Variants in BTK observed in about 807,000 individuals in gnomAD.
BTK encodes the protein Bruton tyrosine kinase.
BTK carries 5 observed loss-of-function variants against 57.4 expected under a neutral mutation model. That is an observed-to-expected ratio of 0.09 (90% CI 0.05 to 0.18). The LOEUF (loss-of-function observed/expected upper bound fraction) is 0.18, where lower values mean the gene tolerates loss of function less well. Ranked by LOEUF, BTK falls within the 10% of genes least tolerant of loss-of-function variation. The pLI, the probability that BTK is intolerant of heterozygous loss-of-function variation, is 1.00. For synonymous variants in BTK, 154 were observed against 174.3 expected, an observed-to-expected ratio of 0.88 and a Z score of 0.92; for missense variants, 194 against 501.2, an observed-to-expected ratio of 0.39 and a Z score of 5.85.
chrX:101,362,528 G>A lies in BTK; in HGVS notation c.520+33C>T, dbSNP rs377644686. Reference sequence around the variant, plus strand: ...TGGGAGAGTGATGGAAACAGTCAAAGGAGAAAGAAATTATATCGATCAGAT... The same window carrying A: ...TGGGAGAGTGATGGAAACAGTCAAAAGAGAAAGAAATTATATCGATCAGAT... On this transcript the variant is annotated intron_variant, in intron 6 of 18. Coordinates refer to ENST00000308731, the MANE Select transcript of BTK (RefSeq NM_000061.3). 1.2e-4 allele frequency: 140 copies of A among 1,209,253 alleles called. 1 individual carries two copies. In the African/African-American group the frequency reaches 2.0e-3, roughly 18 times the overall value.
intron 14 of BTK, chrX:101,356,493 A>G: frequency 8.9e-6 from 4 of 450,368 alleles, no homozygotes; most frequent in Non-Finnish European, 1.5e-5. Context: ...CCAGGAATGA[A>G]AGAACGCTAA....
At chrX:101,365,534 C>T (rs1187356421) in intron 5 of BTK, among the ~76,000 whole-genome samples, 4 of 112,004 alleles carry the variant, frequency 3.6e-5, no homozygotes, top group Non-Finnish European at 7.5e-5. Flanking sequence ...AGTGGGAGGG[C>T]TGGGGGAGAC....
chrX:101,367,550 C>T (rs1474414678), intron 5 of BTK, among the ~76,000 whole-genome samples: 1 of 108,357 alleles, frequency 9.2e-6, no homozygotes, highest in Non-Finnish European at 1.9e-5. Context: ...GTAGGAGAAT[C>T]GCTTGAACTC....
At chrX:101,372,854 T>G (rs1401157546) in intron 3 of BTK, among the ~76,000 whole-genome samples, 2 of 106,257 alleles carry the variant, frequency 1.9e-5, no homozygotes, top group Non-Finnish European at 3.9e-5. Flanking sequence ...GAGGCCGAGG[T>G]GGGAGGATCA....
chrX:101,385,359 G>GT (rs782068454), intron 1 of BTK, among the ~76,000 whole-genome samples: 1 of 112,189 alleles, frequency 8.9e-6, no homozygotes, highest in East Asian at 2.8e-4. Context: ...GAGGGCAATG[G>GT]TAAGAGGAGA....
At chrX:101,370,190 G>A (rs1226242885) in intron 4 of BTK, 111 bp from the exon 5 acceptor site, 1 of 648,225 alleles carries the variant, frequency 1.5e-6, no homozygotes, top group East Asian at 3.3e-5. Flanking sequence ...AGAAAACAAA[G>A]AAAGGCAGAA....
chrX:101,384,199 A>T (rs1378621091), intron 1 of BTK, among the ~76,000 whole-genome samples: 6 of 112,104 alleles, frequency 5.4e-5, no homozygotes, highest in Non-Finnish European at 9.4e-5. Context: ...ACTCTATAGG[A>T]AATTTGCTCA....
intron 6 of BTK, 24 bp downstream of exon 6, chrX:101,362,537 A>G (rs1926706634): frequency 8.3e-7 from 1 of 1,209,676 alleles, no homozygotes; most frequent in African/African-American, 1.7e-5. Context: ...AGGAGAAAGA[A>G]ATTATATCGA....
rs956441872 is a variant in BTK, at chrX:101,386,148, G to A, written c.-117C>T. The A allele has an allele frequency of 9.0e-6, 1 of 111,731 alleles. No individual in the cohort carries two copies. The highest frequency in any genetic ancestry group is 3.3e-5 in the African/African-American group (1 of 30,622). 9.2% of individuals were successfully genotyped at this position (111,731 alleles called of 1,213,427 possible). ...TGGGACTCGATCGCAGCAGACACTGGCCCTGGAGACATATTCTTACAGTCC... is the reference window on the plus strand; with the variant it reads ...TGGGACTCGATCGCAGCAGACACTGACCCTGGAGACATATTCTTACAGTCC... On this transcript the variant is annotated 5_prime_UTR_variant, in exon 1 of 19. Coordinates refer to ENST00000308731, the MANE Select transcript of BTK (RefSeq NM_000061.3).
chrX:101,360,818 C>T, intron 7 of BTK, 63 bp from the exon 8 acceptor site: 1 of 1,088,099 alleles, frequency 9.2e-7, no homozygotes, highest in Non-Finnish European at 1.3e-6. Context: ...TCTCTTCTCT[C>T]CCAACTCTCT....
chrX:101,381,188 T>C (rs1555981701), intron 1 of BTK, among the ~76,000 whole-genome samples: 1 of 110,863 alleles, frequency 9.0e-6, no homozygotes, highest in Non-Finnish European at 1.9e-5. Context: ...TACATTCCAA[T>C]ATATTTATTC....
chrX:101,356,329 G>T, intron 14 of BTK, 61 bp from the exon 15 acceptor site: 1 of 1,029,877 alleles, frequency 9.7e-7, no homozygotes, highest in Non-Finnish European at 1.3e-6. Context: ...CAATAAAGGG[G>T]CTGGGGAGGA....
rs1555978148 is a variant in BTK at position 101,358,407 on chromosome X, A to C, written c.1005T>G (p.Val335=). 8.3e-7 allele frequency: 1 copy of C among 1,210,414 alleles called. No homozygotes were observed. The highest frequency in any genetic ancestry group is 3.0e-5 in the East Asian group (1 of 33,788). ...ACTGGCTCTGAGGTGTGGAACACACAACATAATGACGTATCACCCCTTGAG... is the reference window on the plus strand; with the variant it reads ...ACTGGCTCTGAGGTGTGGAACACACCACATAATGACGTATCACCCCTTGAG... ...GDPQGVIRHY[V]VCSTPQSQYY... Residue 335 remains valine, a synonymous_variant, in exon 12 of 19, where the codon GTT becomes GTG. Coordinates refer to ENST00000308731, the MANE Select transcript of BTK (RefSeq NM_000061.3).
intron 4 of BTK, 97 bp downstream of exon 4, chrX:101,371,536 C>T (rs1443534128): frequency 1.4e-6 from 1 of 730,418 alleles, no homozygotes; most frequent in African/African-American, 2.1e-5. Flanking sequence ...CTTCTATTCA[C>T]TGGGTCCTCG....
chrX:101,353,820 G>C (rs2147424776), intron 17 of BTK, 50 bp downstream of exon 17: 4 of 1,003,146 alleles, frequency 4.0e-6, no homozygotes, highest in Non-Finnish European at 5.7e-6. Flanking sequence ...TTTTCCCATT[G>C]CATTTCTTAT....
chrX:101,382,493 G>A (rs988146379), intron 1 of BTK, among the ~76,000 whole-genome samples: 6 of 109,946 alleles, frequency 5.5e-5, no homozygotes, highest in African/African-American at 9.9e-5. Flanking sequence ...CACCTGCCTC[G>A]GCCTCCCAAA....
intron 8 of BTK, 70 bp downstream of exon 8, chrX:101,360,498 A>G (rs140264234): frequency 0.011 from 11,840 of 1,089,871 alleles, 57 homozygotes; most frequent in Non-Finnish European, 0.013. Flanking sequence ...CACGGGAATT[A>G]TGCCGCAGCA....
At chrX:101,362,508 G>C in intron 6 of BTK, 53 bp downstream of exon 6, 1 of 1,206,073 alleles carries the variant, frequency 8.3e-7, no homozygotes, top group Non-Finnish European at 1.1e-6. Context: ...ACCCTTGGGA[G>C]AGTGATGGAA....
chrX:101,376,952 T>A (rs906306877), intron 1 of BTK, among the ~76,000 whole-genome samples: 1 of 111,594 alleles, frequency 9.0e-6, no homozygotes, highest in Non-Finnish European at 1.9e-5. Context: ...TCTATTCTCA[T>A]GCTGGGGAGA....
Sources: allele counts gnomAD v4.1 joint callset (sites outside exome capture counted in the v4.1 genomes callset), GRCh38; gene constraint gnomAD v4.1.1; transcripts MANE v1.5; gene names NCBI Gene and HGNC (gene_info 2026-07-23, HGNC 2026-07-21).